Variants in CARD16 observed in about 807,000 individuals in gnomAD.
The protein encoded by CARD16 is caspase recruitment domain family member 16.
CARD16 carries 8 observed loss-of-function variants against 11.9 expected under a neutral mutation model. The ratio of observed to expected loss-of-function variants is 0.67; its 90% CI spans 0.39 to 1.21. The LOEUF (loss-of-function observed/expected upper bound fraction) is 1.21, where lower values mean the gene tolerates loss of function less well. Ranked by LOEUF, CARD16 falls within the 50% of genes most tolerant of loss-of-function variation. CARD16 has a pLI of 0.01. For missense variants in CARD16, 131 were observed against 118.1 expected, an observed-to-expected ratio of 1.11 and a Z score of -0.51; for synonymous variants, 44 against 43.8, an observed-to-expected ratio of 1.00 and a Z score of -0.02.
In CARD16 at chr11:105,044,561, C is replaced by T. The variant is rs188243534; in HGVS notation, c.105G>A (p.Leu35=). The T allele has an allele frequency of 6.8e-6, 11 of 1,614,122 alleles. No homozygotes were observed. Among genetic ancestry groups the T allele is most frequent in the African/African-American group, 1.3e-5 (1 of 75,042 alleles). ...LLDELLQTRV[L]NQEEMEKVKR... ...TTACTTTCTCCATCTCTTCCTGGTT[C>T]AGCACCCTTGTCTGTAATAATTCAT... The change falls in exon 2 of 4, where the codon CTG becomes CTA. Residue 35 remains leucine (L), a synonymous_variant. Coordinates refer to ENST00000673097, the MANE Select transcript of CARD16 (RefSeq NM_052889.4).
intron 1 of CARD16, chr11:105,045,020 C>T: frequency 1.6e-6 from 1 of 610,928 alleles, no homozygotes; most frequent in Non-Finnish European, 2.9e-6. Context: ...TCTGTACCCT[C>T]TGTCAGACTT....
At position 105,044,699 on chromosome 11, in the gene CARD16, C is replaced by T. The variant is rs747433918; in HGVS notation, c.8-41G>A. On this transcript the variant is annotated intron_variant, in intron 1 of 3. Transcript: ENST00000673097. ...GGATTTCTCACATCATGAAAACAGC[C>T]TCATATTCCTCTCACGTCATCAACA... is the stretch of plus-strand genomic sequence containing the variant. 3.1e-6 allele frequency: 5 copies of T among 1,603,814 alleles called. No individual in the cohort carries two copies. In the African/African-American group the frequency reaches 4.0e-5, roughly 13 times the overall value.
rs1047784998 is a variant in CARD16 at position 105,044,532 on chromosome 11, C to T, written c.134G>A (p.Arg45His). Residue 45 changes from arginine to histidine, a missense_variant, in exon 2 of 4, where the codon CGT becomes CAT. Physicochemically the swap from Arg to His is conservative, Grantham distance 29. Coordinates refer to ENST00000673097, the MANE Select transcript of CARD16 (RefSeq NM_052889.4). The stretch of plus-strand genomic sequence containing the variant: ...CTTATCCATAACTGTAGCATTTTCA[C>T]GTTTTACTTTCTCCATCTCTTCCTG... Reference protein sequence around the residue: ...LNQEEMEKVKRENATVMDKTR... With the variant: ...LNQEEMEKVKHENATVMDKTR... 7 of 1,613,966 alleles carry T rather than the reference C, an allele frequency of 4.3e-6. No homozygotes were observed. The African/African-American group carries it at 5.3e-5, about 12-fold the overall frequency.
chr11:105,043,930 T>C (rs1864151687), intron 2 of CARD16: 2 of 253,540 alleles, frequency 7.9e-6, no homozygotes, highest in Non-Finnish European at 1.5e-5. Context: ...CCTGAACGTA[T>C]CATCGTCACT....
chr11:105,044,711 T>C (rs1439916481), intron 1 of CARD16, 53 bp from the exon 2 acceptor site: 16 of 1,588,490 alleles, frequency 1.0e-5, no homozygotes, highest in African/African-American at 1.3e-5. Context: ...CATATTCCTC[T>C]CACGTCATCA....
intron 1 of CARD16, chr11:105,044,955 G>A (rs1262831173): frequency 1.6e-6 from 1 of 606,504 alleles, no homozygotes; most frequent in Non-Finnish European, 2.9e-6. Context: ...TAATGAAGCA[G>A]AAATAGCCCA....
At chr11:105,043,408 C>T in intron 3 of CARD16, 75 bp downstream of exon 3, 2 of 1,019,336 alleles carry the variant, frequency 2.0e-6, no homozygotes, top group Non-Finnish European at 3.0e-6. Flanking sequence ...CCCCTTCAAG[C>T]AGAGCTCATT....
At chr11:105,044,698 C>T (rs780265950) in intron 1 of CARD16, 40 bp from the exon 2 acceptor site, 2 of 1,603,686 alleles carry the variant, frequency 1.2e-6, no homozygotes, top group African/African-American at 2.7e-5. Context: ...ATGAAAACAG[C>T]CTCATATTCC....
At position 105,041,714 on chromosome 11, in the gene CARD16, GA is replaced by G; in HGVS notation, c.*48del. On this transcript the variant is annotated 3_prime_UTR_variant, in exon 4 of 4. Transcript: ENST00000673097. ...ATAGCTGGGTTGTCCTGCACTGCCT[GA>G]AGAGCTGCAAGAGACAAGGAATATC... 6.2e-7 allele frequency: 1 copy of G among 1,613,592 alleles called. No homozygotes were observed. Among genetic ancestry groups the G allele is most frequent in the Non-Finnish European group, 8.5e-7 (1 of 1,179,724 alleles).
rs780530929 is a variant in CARD16 at position 105,044,263 on chromosome 11, C to G, written c.274+129G>C. 8.2e-6 allele frequency: 12 copies of G among 1,470,942 alleles called. No homozygotes were observed. In the East Asian group the frequency reaches 1.4e-4, roughly 17 times the overall value. 91.1% of individuals were successfully genotyped at this position (1,470,942 alleles called of 1,614,324 possible). On this transcript the variant is annotated intron_variant, in intron 2 of 3. Transcript: ENST00000673097. Reference sequence around the variant, plus strand: ...CAAGGGACATGCAATAGGGCCTCTGCTACAGAAATATGGCCCAAAGGCAGA... The same window carrying G: ...CAAGGGACATGCAATAGGGCCTCTGGTACAGAAATATGGCCCAAAGGCAGA...
intron 3 of CARD16, among the ~76,000 whole-genome samples, chr11:105,042,883 T>C (rs1351051016): frequency 6.6e-6 from 1 of 152,186 alleles, no homozygotes; most frequent in African/African-American, 2.4e-5. Flanking sequence ...AAAACATGCA[T>C]TTCTAGCCTC....
chr11:105,043,525 GC>G lies in CARD16; in HGVS notation c.294del (p.Ter98TyrfsTer41). On this transcript the variant is annotated frameshift_variant and stop_lost, in exon 3 of 4. Coordinates refer to ENST00000673097, the MANE Select transcript of CARD16 (RefSeq NM_052889.4). LOFTEE classifies it high-confidence loss of function. The part of the protein sequence containing the change: ...GLSAGPIPGN[*>X] ...AGTAATTGGGAGTCTTGTGTACTAAGCTAATTTCCAGGTATCGGACCTATAA... is the reference window on the plus strand; with the variant it reads ...AGTAATTGGGAGTCTTGTGTACTAAGTAATTTCCAGGTATCGGACCTATAA... 1 of 1,609,872 alleles carries G rather than the reference GC, an allele frequency of 6.2e-7. No individual in the cohort carries two copies. Among genetic ancestry groups the G allele is most frequent in the Non-Finnish European group, 8.5e-7 (1 of 1,176,806 alleles).
chr11:105,044,536 T>C lies in CARD16; in HGVS notation c.130A>G (p.Lys44Glu). 1.2e-6 allele frequency: 2 copies of C among 1,614,148 alleles called. No homozygotes were observed. Among genetic ancestry groups the C allele is most frequent in the Non-Finnish European group, 1.7e-6 (2 of 1,180,000 alleles). ...VLNQEEMEKV[K>E]RENATVMDKT... Reference sequence around the variant, plus strand: ...TCCATAACTGTAGCATTTTCACGTTTTACTTTCTCCATCTCTTCCTGGTTC... The same window carrying C: ...TCCATAACTGTAGCATTTTCACGTTCTACTTTCTCCATCTCTTCCTGGTTC... The change falls in exon 2 of 4, where the codon AAA (lysine) becomes GAA (glutamate). Residue 44 changes from lysine to glutamate, a missense_variant. Coordinates refer to ENST00000673097, the MANE Select transcript of CARD16 (RefSeq NM_052889.4).
chr11:105,042,950 G>C (rs1242793655), intron 3 of CARD16, among the ~76,000 whole-genome samples: 1 of 152,164 alleles, frequency 6.6e-6, no homozygotes, highest in Non-Finnish European at 1.5e-5. Flanking sequence ...TAAGGAATAA[G>C]AGTTCTTTAA....
intron 2 of CARD16, chr11:105,044,090 G>A (rs1248713569): frequency 8.5e-6 from 4 of 472,234 alleles, no homozygotes; most frequent in South Asian, 2.9e-5. Context: ...AATAAATATC[G>A]TGCCTTGCCA....
In CARD16 at chr11:105,043,510, A is replaced by G; in HGVS notation, c.*16T>C. On this transcript the variant is annotated 3_prime_UTR_variant, in exon 3 of 4. Transcript: ENST00000673097. Reference sequence around the variant, plus strand: ...GGGAAGGAAGAAAATAGTAATTGGGAGTCTTGTGTACTAAGCTAATTTCCA... The same window carrying G: ...GGGAAGGAAGAAAATAGTAATTGGGGGTCTTGTGTACTAAGCTAATTTCCA... 1 of 1,610,020 alleles carries G rather than the reference A, an allele frequency of 6.2e-7. No homozygotes were observed. Among genetic ancestry groups the G allele is most frequent in the Middle Eastern group, 1.7e-4 (1 of 6,052 alleles).
Position 105,044,462 on chromosome 11 carries a change from T to G in CARD16, c.204A>C (p.Ala68=), listed in dbSNP as rs1376028250. Residue 68 remains alanine, a synonymous_variant, in exon 2 of 4, where the codon GCA becomes GCC. Coordinates refer to ENST00000673097, the MANE Select transcript of CARD16 (RefSeq NM_052889.4). ...AAATGTATGTGATGCAAATTTGGCA[T>G]GCCTGTGCCCCTTTCGGAATAACGG... ...IDSVIPKGAQ[A]CQICITYICE... is the part of the protein sequence containing the mutation. The G allele has an allele frequency of 6.2e-7, 1 of 1,614,044 alleles. No homozygotes were observed. Among genetic ancestry groups the G allele is most frequent in the African/African-American group, 1.3e-5 (1 of 74,924 alleles).
chr11:105,041,816 G>C lies in CARD16; in HGVS notation c.*44-97C>G, dbSNP rs1166981944. On this transcript the variant is annotated intron_variant, in intron 3 of 3. Transcript: ENST00000673097. ...CTACAAAAGAGGAAATACATTCCTAGAGGACAATCCTAATCTAGTCATTAA... is the reference window on the plus strand; with the variant it reads ...CTACAAAAGAGGAAATACATTCCTACAGGACAATCCTAATCTAGTCATTAA... The C allele has an allele frequency of 9.5e-6, 11 of 1,160,312 alleles. No homozygotes were observed. The East Asian group carries it at 2.4e-4, about 26-fold the overall frequency. The allele number at this position is 1,160,312 out of a possible 1,614,324, so 71.9% of individuals were successfully genotyped here.
chr11:105,045,234 C>A (rs1864179285), intron 1 of CARD16, 57 bp downstream of exon 1: 5 of 1,612,700 alleles, frequency 3.1e-6, no homozygotes, highest in Non-Finnish European at 4.2e-6. Flanking sequence ...GAAGAGCCAG[C>A]CCTTTCCACA....
Sources: gnomAD v4.1 joint callset for allele counts (sites outside exome capture counted in the v4.1 genomes callset) on GRCh38, gnomAD v4.1.1 for gene constraint, MANE v1.5 for transcripts, NCBI Gene and HGNC (gene_info 2026-07-23, HGNC 2026-07-21) for gene names.